DPY19L4: variants seen among roughly 807,000 people sequenced by gnomAD.
The protein encoded by DPY19L4 is dpy-19 like 4.
DPY19L4 carries 97 observed loss-of-function variants against 102.8 expected under a neutral mutation model. The ratio of observed to expected loss-of-function variants is 0.94; its 90% CI spans 0.80 to 1.12. The LOEUF is 1.12. Among genes scored for constraint, DPY19L4 ranks in the 50% most tolerant of loss-of-function variants. DPY19L4 has a pLI of 0.00. For missense variants in DPY19L4, 815 were observed against 850.4 expected (o/e 0.96, Z 0.52); for synonymous variants, 252 against 283.1 (o/e 0.89, Z 1.10).
intron 6 of DPY19L4, among the ~76,000 whole-genome samples, chr8:94,748,790 G>A (rs1277797375): frequency 6.6e-6 from 1 of 152,160 alleles, no homozygotes; most frequent in Non-Finnish European, 1.5e-5. Flanking sequence ...GCGCATTTGA[G>A]GGATCTAGGT....
chr8:94,747,793 C>T (rs995676343), intron 6 of DPY19L4, among the ~76,000 whole-genome samples: 1 of 151,986 alleles, frequency 6.6e-6, no homozygotes. Flanking sequence ...ATCTCCTGAC[C>T]TCATGATCCA....
At chr8:94,723,567 CT>C (rs1810565427) in intron 1 of DPY19L4, among the ~76,000 whole-genome samples, 1 of 151,850 alleles carries the variant, frequency 6.6e-6, no homozygotes, top group Non-Finnish European at 1.5e-5. Context: ...TTGCTTTGGC[CT>C]TTGCTTTTTT....
At chr8:94,769,200 G>T (rs12114686) in intron 12 of DPY19L4, among the ~76,000 whole-genome samples, 44,694 of 149,938 alleles carry the variant, frequency 0.3, 7,684 homozygotes, top group African/African-American at 0.48. Flanking sequence ...TAGCTGGGAT[G>T]ACAGGCATGC....
At chr8:94,742,947 C>T (rs1366167486) in intron 6 of DPY19L4, among the ~76,000 whole-genome samples, 2 of 152,084 alleles carry the variant, frequency 1.3e-5, no homozygotes, top group African/African-American at 4.8e-5. Context: ...TCAGGTGACC[C>T]GCCTGCCTTG....
At chr8:94,753,536 A>G (rs890214785) in intron 6 of DPY19L4, among the ~76,000 whole-genome samples, 1 of 152,190 alleles carries the variant, frequency 6.6e-6, no homozygotes, top group African/African-American at 2.4e-5. Flanking sequence ...TAAACAGAAA[A>G]TGGTCAAAAT....
At position 94,765,755 on chromosome 8, in the gene DPY19L4, G is replaced by T; in HGVS notation, c.1047G>T (p.Val349=). ...GTTTTGTAGCTAAAATAATAAAAGT[G>T]ATTAATTTTTACTTGGTGTGTACTC... is the stretch of plus-strand genomic sequence containing the variant. ...KGSFVAKIIK[V]INFYLVCTLT... Residue 349 remains valine (V), a synonymous_variant, in exon 10 of 19, where the codon GTG becomes GTT. Transcript: ENST00000414645. 6.2e-7 allele frequency: 1 copy of T among 1,603,286 alleles called. No homozygotes were observed. The highest frequency in any genetic ancestry group is 1.1e-5 in the South Asian group (1 of 89,848).
chr8:94,764,689 G>GTGTGTGTGTATATATATA (rs1415377058), intron 8 of DPY19L4, among the ~76,000 whole-genome samples: 2 of 43,206 alleles, frequency 4.6e-5, no homozygotes, highest in African/African-American at 1.1e-4. Context: ...GTCTGTGTGT[G>GTGTGTGTGTATATATATA]TATATATATA....
intron 8 of DPY19L4, among the ~76,000 whole-genome samples, chr8:94,762,296 T>C (rs377513016): frequency 1.8e-4 from 22 of 124,998 alleles, no homozygotes; most frequent in African/African-American, 6.9e-4. Context: ...TCTTGAAGTG[T>C]TGGAAAAACT....
chr8:94,734,552 G>C (rs1811110752), intron 2 of DPY19L4, 78 bp from the exon 3 acceptor site: 4 of 1,439,366 alleles, frequency 2.8e-6, no homozygotes, highest in South Asian at 1.3e-5. Context: ...AAAGACCATA[G>C]AGGTAGAATG....
At chr8:94,765,051 A>G in intron 8 of DPY19L4, 132 bp from the exon 9 acceptor site, 1 of 722,140 alleles carries the variant, frequency 1.4e-6, no homozygotes, top group Non-Finnish European at 2.1e-6. Flanking sequence ...TTGATTAAAC[A>G]TTTGCATAAT....
Position 94,788,042 on chromosome 8 carries a change from CA to C in DPY19L4, c.2000del (p.Asn667MetfsTer12). The C allele has an allele frequency of 6.9e-7, 1 of 1,451,254 alleles. No homozygotes were observed. Among genetic ancestry groups the C allele is most frequent in the Non-Finnish European group, 9.1e-7 (1 of 1,101,102 alleles). 89.9% of individuals were successfully genotyped at this position (1,451,254 alleles called of 1,614,324 possible). A position where few individuals can be genotyped will look rare whatever the true frequency, so the allele number is the denominator to read the frequency against. On this transcript the variant is annotated frameshift_variant, in exon 18 of 19. Coordinates refer to ENST00000414645, the MANE Select transcript of DPY19L4 (RefSeq NM_181787.3). LOFTEE classifies it high-confidence loss of function. ...AGGGTTAAAGATTTATTAGACATTG[CA>C]AATGGCCACGTAAGTAACCATTTGG... ...GCRVKDLLDI[A>X]NGHMVCEEGD...
chr8:94,788,637 A>C (rs1813759032), intron 18 of DPY19L4, among the ~76,000 whole-genome samples: 1 of 84,854 alleles, frequency 1.2e-5, no homozygotes, highest in Non-Finnish European at 2.6e-5. Flanking sequence ...CCTAAGACTG[A>C]CGCACGCGCG....
chr8:94,745,405 A>G (rs772266157), intron 6 of DPY19L4, among the ~76,000 whole-genome samples: 4 of 152,152 alleles, frequency 2.6e-5, no homozygotes, highest in African/African-American at 4.8e-5. Context: ...ACATCTTTAT[A>G]TTTGAGGAGT....
intron 12 of DPY19L4, among the ~76,000 whole-genome samples, chr8:94,768,827 A>G (rs192280337): frequency 6.6e-6 from 1 of 151,844 alleles, no homozygotes; most frequent in Non-Finnish European, 1.5e-5. Context: ...CCCCATCTCT[A>G]CTAAAAGTAC....
At chr8:94,775,329 G>A (rs975836629) in intron 13 of DPY19L4, among the ~76,000 whole-genome samples, 2 of 151,694 alleles carry the variant, frequency 1.3e-5, no homozygotes, top group African/African-American at 4.8e-5. Flanking sequence ...GTGCCACCAC[G>A]CCTGGCTAAA....
chr8:94,749,504 G>C (rs568181240), intron 6 of DPY19L4, among the ~76,000 whole-genome samples: 13 of 152,252 alleles, frequency 8.5e-5, no homozygotes, highest in African/African-American at 2.9e-4. Context: ...GCTGTGTCCT[G>C]TTCCCATTGA....
chr8:94,734,517 G>A (rs1227315148), intron 2 of DPY19L4, 113 bp from the exon 3 acceptor site: 2 of 1,058,442 alleles, frequency 1.9e-6, no homozygotes, highest in South Asian at 1.6e-5. Flanking sequence ...CTCACAATTA[G>A]ACTCGAGTTG....
At chr8:94,779,184 G>A (rs377692399) in intron 14 of DPY19L4, among the ~76,000 whole-genome samples, 32 of 148,414 alleles carry the variant, frequency 2.2e-4, no homozygotes, top group East Asian at 1.6e-3. Context: ...CATTTCACAT[G>A]CTATTTAATC....
intron 3 of DPY19L4, among the ~76,000 whole-genome samples, chr8:94,734,975 C>T (rs552998808): frequency 6.6e-6 from 1 of 152,168 alleles, no homozygotes; most frequent in Non-Finnish European, 1.5e-5. Flanking sequence ...ATTAACTTAT[C>T]AGGGACTTTT....
Sources: gnomAD v4.1 joint callset for allele counts (sites outside exome capture counted in the v4.1 genomes callset) on GRCh38, gnomAD v4.1.1 for gene constraint, MANE v1.5 for transcripts, NCBI Gene and HGNC (gene_info 2026-07-23, HGNC 2026-07-21) for gene names.